Variants in PDE4B observed in about 807,000 individuals in gnomAD.
PDE4B encodes the protein 3',5'-cyclic-AMP phosphodiesterase 4B.
Under a neutral mutation model 82.2 loss-of-function variants are expected in PDE4B, and 20 were observed. The ratio of observed to expected loss-of-function variants is 0.24; its 90% CI spans 0.17 to 0.35. PDE4B has a LOEUF of 0.35. PDE4B is among the 10% of genes least tolerant of loss of function. The pLI, the probability that PDE4B is intolerant of heterozygous loss-of-function variation, is 1.00. For missense variants in PDE4B, 655 were observed against 907.2 expected (o/e 0.72, Z 3.57); for synonymous variants, 320 against 318.9 (o/e 1.00, Z -0.04).
chr1:66,275,285 T>C (rs1655798381), intron 7 of PDE4B, among the ~76,000 whole-genome samples: 2 of 152,006 alleles, frequency 1.3e-5, no homozygotes, highest in African/African-American at 2.4e-5. Flanking sequence ...TGTTTCAGGG[T>C]TGGTACACAC....
intron 3 of PDE4B, among the ~76,000 whole-genome samples, chr1:65,949,585 T>G (rs1648889848): frequency 6.6e-6 from 1 of 152,118 alleles, no homozygotes; most frequent in Admixed American, 6.6e-5. Context: ...TGGTAACATG[T>G]TATCCATGTC....
chr1:65,837,488 A>G lies in PDE4B; in HGVS notation c.-71+44240A>G, dbSNP rs541503038. On this transcript the variant is annotated intron_variant, in intron 1 of 16. Transcript: ENST00000341517. ...TCAGGTGTGATGGCCCATGCCTGTGATCCCAGCTACTTGGGAGGCTGAGGC... is the reference window on the plus strand; with the variant it reads ...TCAGGTGTGATGGCCCATGCCTGTGGTCCCAGCTACTTGGGAGGCTGAGGC... 1.1e-4 allele frequency among the ~76,000 whole-genome samples: 17 copies of G among 152,304 alleles called. No homozygotes were observed. The South Asian group carries it at 3.5e-3, about 32-fold the overall frequency.
At chr1:66,134,752 A>G (rs1646021105) in intron 3 of PDE4B, among the ~76,000 whole-genome samples, 1 of 152,236 alleles carries the variant, frequency 6.6e-6, no homozygotes, top group South Asian at 2.1e-4. Flanking sequence ...ACTGTTTTAT[A>G]CAATTATTTC....
intron 1 of PDE4B, among the ~76,000 whole-genome samples, chr1:65,843,546 A>C (rs1418192863): frequency 6.6e-6 from 1 of 152,188 alleles, no homozygotes; most frequent in African/African-American, 2.4e-5. Context: ...GGGACATGGA[A>C]GAATGTTCAT....
chr1:65,862,908 A>AT (rs1571032087), intron 1 of PDE4B, among the ~76,000 whole-genome samples: 1 of 152,232 alleles, frequency 6.6e-6, no homozygotes, highest in East Asian at 1.9e-4. Flanking sequence ...ATCCTTCATC[A>AT]TTTTTTATTG....
chr1:66,047,496 C>G (rs962074994), intron 3 of PDE4B, among the ~76,000 whole-genome samples: 1 of 151,912 alleles, frequency 6.6e-6, no homozygotes, highest in African/African-American at 2.4e-5. Context: ...TTATTCCTAG[C>G]TACTATACCA....
intron 7 of PDE4B, among the ~76,000 whole-genome samples, chr1:66,328,914 C>A (rs917883999): frequency 6.6e-6 from 1 of 152,168 alleles, no homozygotes; most frequent in African/African-American, 2.4e-5. Flanking sequence ...TTTCAGGTAC[C>A]CAGCATGTCC....
chr1:66,363,310 C>T (rs759649038), intron 11 of PDE4B, 44 bp downstream of exon 11: 5 of 1,540,406 alleles, frequency 3.2e-6, no homozygotes, highest in South Asian at 2.3e-5. Flanking sequence ...TTGGATGGCT[C>T]TTTATGATTT....
chr1:66,133,934 C>A (rs189975527), intron 3 of PDE4B, among the ~76,000 whole-genome samples: 10 of 151,984 alleles, frequency 6.6e-5, no homozygotes, highest in Admixed American at 5.9e-4. Context: ...CCCTGGGAGA[C>A]AAGTGAGCTC....
intron 7 of PDE4B, among the ~76,000 whole-genome samples, chr1:66,313,680 CTG>C (rs1466039674): frequency 3.3e-5 from 5 of 152,168 alleles, no homozygotes; most frequent in African/African-American, 1.2e-4. Flanking sequence ...TTTGCTTTGA[CTG>C]TGTGGCAACT....
intron 3 of PDE4B, among the ~76,000 whole-genome samples, chr1:65,923,933 C>T (rs552232716): frequency 7.9e-5 from 12 of 151,986 alleles, no homozygotes; most frequent in Admixed American, 3.3e-4. Flanking sequence ...CAATCTTTCT[C>T]CTCTGCTGTT....
At chr1:65,960,774 C>T (rs569097293) in intron 3 of PDE4B, among the ~76,000 whole-genome samples, 1 of 152,106 alleles carries the variant, frequency 6.6e-6, no homozygotes, top group Non-Finnish European at 1.5e-5. Flanking sequence ...CACTGGGTAT[C>T]TCTAGAAAGC....
chr1:66,062,029 A>G (rs189523954), intron 3 of PDE4B, among the ~76,000 whole-genome samples: 116 of 152,270 alleles, frequency 7.6e-4, no homozygotes, highest in African/African-American at 2.5e-3. Context: ...TGATTTCCCA[A>G]ATGGATCTTT....
intron 3 of PDE4B, among the ~76,000 whole-genome samples, chr1:66,076,617 G>A (rs938297911): frequency 1.2e-4 from 18 of 152,074 alleles, no homozygotes; most frequent in Admixed American, 1.2e-3. Flanking sequence ...CAGTGGCTGG[G>A]TACATCCCCA....
intron 7 of PDE4B, among the ~76,000 whole-genome samples, chr1:66,282,066 A>C (rs990715517): frequency 6.6e-6 from 1 of 152,226 alleles, no homozygotes; most frequent in African/African-American, 2.4e-5. Flanking sequence ...CCTGCGTTGA[A>C]GGTACGTACA....
chr1:65,851,408 ACT>A (rs1464347063), intron 1 of PDE4B, among the ~76,000 whole-genome samples: 3 of 151,980 alleles, frequency 2.0e-5, no homozygotes, highest in Non-Finnish European at 4.4e-5. Context: ...GATTAAGTTG[ACT>A]CTATAGATAA....
At chr1:66,198,945 AT>A (rs1230104959) in intron 3 of PDE4B, among the ~76,000 whole-genome samples, 18 of 152,018 alleles carry the variant, frequency 1.2e-4, no homozygotes, top group African/African-American at 4.4e-4. Flanking sequence ...TGAACTCATC[AT>A]TTTTTATGGC....
At chr1:66,369,368 T>C (rs1663505402) in intron 16 of PDE4B, among the ~76,000 whole-genome samples, 1 of 152,226 alleles carries the variant, frequency 6.6e-6, no homozygotes, top group South Asian at 2.1e-4. Flanking sequence ...CTTCTGTCCT[T>C]AATCAAGCCC....
chr1:65,975,646 G>A (rs1937436), intron 3 of PDE4B, among the ~76,000 whole-genome samples: 41,287 of 151,958 alleles, frequency 0.27, 5,886 homozygotes, highest in East Asian at 0.45. Flanking sequence ...TGTGGACCTG[G>A]CCCAGGGCCC....
Sources: gnomAD v4.1 joint callset for allele counts (sites outside exome capture counted in the v4.1 genomes callset) on GRCh38, gnomAD v4.1.1 for gene constraint, MANE v1.5 for transcripts, NCBI Gene and HGNC (gene_info 2026-07-23, HGNC 2026-07-21) for gene names.